Variants in OOEP observed in about 807,000 individuals in gnomAD.
OOEP encodes oocyte-expressed protein homolog.
In OOEP, 16 loss-of-function variants were observed where a neutral mutation model predicts 13.7. That is an observed-to-expected ratio of 1.16 (90% CI 0.79 to 1.77). OOEP has a LOEUF of 1.77. OOEP is among the 40% of genes most tolerant of loss of function. The pLI, the probability that OOEP is intolerant of heterozygous loss-of-function variation, is 0.00. For synonymous variants in OOEP, 89 were observed against 77.1 expected (o/e 1.15, Z -0.81); for missense variants, 195 against 193.1 (o/e 1.01, Z -0.06).
In OOEP at chr6:73,368,844, A is replaced by C; in HGVS notation, c.390T>G (p.Leu130=). ...ATGCATGGGCCTTCAAGTTCTTCTC[A>C]AGGTGTTTCATCTTCTCAGCTGGAA... ...HRARAEKMKH[L]EKNLKAHASD... The change falls in exon 3 of 3, where the codon CTT becomes CTG. Residue 130 remains leucine, a synonymous_variant. Coordinates refer to ENST00000370359, the MANE Select transcript of OOEP (RefSeq NM_001080507.3). 6.2e-7 allele frequency: 1 copy of C among 1,613,564 alleles called. No individual in the cohort carries two copies. The highest frequency in any genetic ancestry group is 1.1e-5 in the South Asian group (1 of 91,054).
At chr6:73,384,852 T>C (rs1180732487) in intron 2 of OOEP, among the ~76,000 whole-genome samples, 1 of 151,830 alleles carries the variant, frequency 6.6e-6, no homozygotes, top group East Asian at 2.0e-4. Context: ...TTCTCCTGTC[T>C]CAACCTCCTG....
chr6:73,372,314 C>T (rs11964808), upstream of OOEP, among the ~76,000 whole-genome samples: 3,116 of 152,196 alleles, frequency 0.02, 246 homozygotes, highest in East Asian at 0.14. Flanking sequence ...TTGTGGGGAT[C>T]TTCTGCCATA....
At chr6:73,394,853 A>G (rs910486190) in exon 1 of OOEP, 4 of 1,592,200 alleles carry the variant, frequency 2.5e-6, no homozygotes, top group African/African-American at 1.3e-5. Flanking sequence ...CGTCACGGTC[A>G]GGTGGTGCAG....
At chr6:73,393,278 G>A (rs915215380) in intron 2 of OOEP, among the ~76,000 whole-genome samples, 1 of 151,852 alleles carries the variant, frequency 6.6e-6, no homozygotes, top group Non-Finnish European at 1.5e-5. Context: ...CACCACACCC[G>A]GCAGGGTCTC....
intron 2 of OOEP, among the ~76,000 whole-genome samples, chr6:73,384,230 A>G (rs971517634): frequency 5.9e-5 from 9 of 152,216 alleles, no homozygotes; most frequent in African/African-American, 1.7e-4. Context: ...AGTTCCTAGA[A>G]AAACATAAAC....
intron 2 of OOEP, among the ~76,000 whole-genome samples, chr6:73,393,314 A>G (rs2150784639): frequency 6.6e-6 from 1 of 152,066 alleles, no homozygotes; most frequent in Admixed American, 6.5e-5. Flanking sequence ...CTGATGTTGA[A>G]CCTTGGGGCT....
chr6:73,370,391 G>C (rs1221893300), upstream of OOEP, among the ~76,000 whole-genome samples: 2 of 152,194 alleles, frequency 1.3e-5, no homozygotes, highest in Non-Finnish European at 2.9e-5. Flanking sequence ...TAGCAAGTTA[G>C]ACAATTTTCC....
In OOEP at chr6:73,369,606, A is replaced by G; in HGVS notation, c.187T>C (p.Phe63Leu). The change falls in exon 1 of 3, where the codon TTT (phenylalanine) becomes CTT (leucine). Residue 63 changes from phenylalanine (F) to leucine (L), a missense_variant. Transcript: ENST00000370359. The stretch of plus-strand genomic sequence containing the variant: ...TAGCACACCTGGGGTCGCTCACCAA[A>G]GAGCTCGTCTGCCAGCCATGCCTCT... ...YLEAWLADEL[F>L]GPDRAIIPEM... is the part of the protein sequence containing the mutation. 6.2e-7 allele frequency: 1 copy of G among 1,613,296 alleles called. No homozygotes were observed. Among genetic ancestry groups the G allele is most frequent in the Non-Finnish European group, 8.5e-7 (1 of 1,179,322 alleles).
At chr6:73,379,582 T>C (rs1769174035) in intron 2 of OOEP, among the ~76,000 whole-genome samples, 1 of 138,058 alleles carries the variant, frequency 7.2e-6, no homozygotes, top group African/African-American at 2.8e-5. Flanking sequence ...GAGGTTGCAG[T>C]GAGTCAAGAT....
At chr6:73,370,671 T>A (rs1769035018), upstream of OOEP, among the ~76,000 whole-genome samples, 1 of 152,218 alleles carries the variant, frequency 6.6e-6, no homozygotes, top group South Asian at 2.1e-4. Flanking sequence ...ATCATCCCCA[T>A]GCATGTCCTT....
intron 2 of OOEP, among the ~76,000 whole-genome samples, chr6:73,383,252 T>C (rs1367212358): frequency 1.3e-5 from 2 of 152,238 alleles, no homozygotes; most frequent in Non-Finnish European, 2.9e-5. Context: ...ATCAAGTAGT[T>C]GGCAAAATCA....
chr6:73,368,977 C>A, intron 2 of OOEP, 114 bp from the exon 3 acceptor site: 1 of 888,536 alleles, frequency 1.1e-6, no homozygotes, highest in African/African-American at 1.6e-5. Flanking sequence ...GTGCTGTAAC[C>A]CAGGTGAGGC....
intron 2 of OOEP, among the ~76,000 whole-genome samples, chr6:73,382,023 T>A (rs1292637596): frequency 6.6e-6 from 1 of 151,984 alleles, no homozygotes; most frequent in Non-Finnish European, 1.5e-5. Flanking sequence ...ATTGTAACTT[T>A]GGGTTTTTGT....
At chr6:73,393,927 T>C (rs1406549135) in intron 2 of OOEP, among the ~76,000 whole-genome samples, 1 of 152,250 alleles carries the variant, frequency 6.6e-6, no homozygotes, top group East Asian at 1.9e-4. Flanking sequence ...AGGTGGGTAG[T>C]GTGCCCACTT....
chr6:73,375,548 C>A (rs920657582), intron 2 of OOEP, among the ~76,000 whole-genome samples: 1 of 149,090 alleles, frequency 6.7e-6, no homozygotes, highest in African/African-American at 2.6e-5. Context: ...CCATTGCACT[C>A]CAGCCTGGAC....
chr6:73,370,330 CAAGT>C (rs1769031223), upstream of OOEP, among the ~76,000 whole-genome samples: 1 of 152,164 alleles, frequency 6.6e-6, no homozygotes, highest in East Asian at 1.9e-4. Flanking sequence ...ATCATTCAAG[CAAGT>C]GTGTCATGTT....
At chr6:73,394,378 G>T (rs1339935724) in exon 2 of OOEP, 3 of 715,298 alleles carry the variant, frequency 4.2e-6, no homozygotes, top group East Asian at 5.4e-5. Flanking sequence ...CATTTCCGGT[G>T]CAGTGGCTGA....
upstream of OOEP, among the ~76,000 whole-genome samples, chr6:73,371,212 C>T (rs1582623859): frequency 6.6e-6 from 1 of 152,222 alleles, no homozygotes; most frequent in African/African-American, 2.4e-5. Flanking sequence ...CCCCCTCTCA[C>T]CCTCAATGGT....
upstream of OOEP, among the ~76,000 whole-genome samples, chr6:73,371,335 G>A (rs1769050818): frequency 6.6e-6 from 1 of 152,144 alleles, no homozygotes; most frequent in Non-Finnish European, 1.5e-5. Context: ...AGGCAAGGTG[G>A]CTCATGCCTA....
Sources: gnomAD v4.1 joint callset for allele counts (sites outside exome capture counted in the v4.1 genomes callset) on GRCh38, gnomAD v4.1.1 for gene constraint, MANE v1.5 for transcripts, NCBI Gene and HGNC (gene_info 2026-07-23, HGNC 2026-07-21) for gene names.